The following RETREG1 variants were observed in gnomAD, a reference collection of about 807,000 sequenced individuals.
The protein encoded by RETREG1 is family with sequence similarity 134 member B.
A neutral mutation model predicts 54.8 loss-of-function variants in RETREG1; 44 were observed. The observed-to-expected ratio is 0.80, with a 90% CI of 0.63 to 1.03. The LOEUF is 1.03. Among genes scored for constraint, RETREG1 ranks in the 50% least tolerant of loss-of-function variants. The pLI is 0.00. For missense variants in RETREG1, 554 were observed against 605.1 expected, an observed-to-expected ratio of 0.92 and a Z score of 0.89; for synonymous variants, 217 against 238.5, an observed-to-expected ratio of 0.91 and a Z score of 0.83.
intron 3 of RETREG1, among the ~76,000 whole-genome samples, chr5:16,546,579 T>C (rs1741394043): frequency 2.6e-5 from 4 of 152,246 alleles, no homozygotes. Context: ...CACATGCTTA[T>C]AACAGGTGGT....
Position 16,598,160 on chromosome 5 carries a change from G to A in RETREG1, c.320+18492C>T, listed in dbSNP as rs150093336. Among the ~76,000 whole-genome samples the A allele has an allele frequency of 2.5e-4, 38 of 152,194 alleles. No homozygotes were observed. In the East Asian group the frequency reaches 6.2e-3, roughly 25 times the overall value. On this transcript the variant is annotated intron_variant, in intron 1 of 8. Transcript: ENST00000306320. The stretch of plus-strand genomic sequence containing the variant: ...TCACACATGCTGCTCCCTTGGGCTT[G>A]GAACAAATCCTTCCCCTGCACACCC...
intron 3 of RETREG1, among the ~76,000 whole-genome samples, chr5:16,528,706 C>T (rs1290624482): frequency 6.6e-6 from 1 of 152,170 alleles, no homozygotes; most frequent in African/African-American, 2.4e-5. Flanking sequence ...ATGCCTCCTT[C>T]AAAGCACCTG....
At chr5:16,509,278 T>C (rs2126565100) in intron 3 of RETREG1, 1 of 152,788 alleles carries the variant, frequency 6.5e-6, no homozygotes. Flanking sequence ...CATTATGCAA[T>C]GGGGTTTTGA....
chr5:16,573,475 AG>A (rs1742238823), intron 1 of RETREG1, among the ~76,000 whole-genome samples: 1 of 152,214 alleles, frequency 6.6e-6, no homozygotes, highest in Non-Finnish European at 1.5e-5. Context: ...CAGAACTCAT[AG>A]AAAAATTAAT....
Position 16,613,890 on chromosome 5 carries a change from C to A in RETREG1, c.320+2762G>T, listed in dbSNP as rs77399152. Among the ~76,000 whole-genome samples, 1,201 of 151,948 alleles carry A rather than the reference C, an allele frequency of 7.9e-3. 25 individuals are homozygous for A. The highest frequency in any genetic ancestry group is 0.027 in the African/African-American group (1,127 of 41,390). ...AATGTCCTTGAAAATCATTTTAACC[C>A]CCAGAGCAACAAATAAAAGGGAAAA... is the stretch of plus-strand genomic sequence containing the variant. On this transcript the variant is annotated intron_variant, in intron 1 of 8. Transcript: ENST00000306320.
At chr5:16,609,359 TCTGTAA>T (rs1278602377) in intron 1 of RETREG1, among the ~76,000 whole-genome samples, 2 of 152,076 alleles carry the variant, frequency 1.3e-5, no homozygotes, top group African/African-American at 4.8e-5. Context: ...TTTACTGAAG[TCTGTAA>T]CTGTATATAA....
intron 1 of RETREG1, among the ~76,000 whole-genome samples, chr5:16,603,740 G>T (rs1470204931): frequency 2.0e-5 from 3 of 151,906 alleles, no homozygotes; most frequent in Non-Finnish European, 4.4e-5. Flanking sequence ...ATTCACCTGG[G>T]ATCGCATCCC....
At chr5:16,513,005 C>G (rs1740229287) in intron 3 of RETREG1, among the ~76,000 whole-genome samples, 1 of 151,992 alleles carries the variant, frequency 6.6e-6, no homozygotes, top group Non-Finnish European at 1.5e-5. Flanking sequence ...TGGTTGAGTT[C>G]TCTCTTGGAT....
intron 1 of RETREG1, among the ~76,000 whole-genome samples, chr5:16,606,442 A>C (rs1285419357): frequency 2.0e-5 from 3 of 152,268 alleles, no homozygotes; most frequent in African/African-American, 4.8e-5. Flanking sequence ...CCATACTTCA[A>C]ACTCAACCTG....
chr5:16,539,242 G>A (rs1243649614), intron 3 of RETREG1, among the ~76,000 whole-genome samples: 1 of 152,148 alleles, frequency 6.6e-6, no homozygotes, highest in Non-Finnish European at 1.5e-5. Context: ...CTGTTCAGAT[G>A]AGCCTGGAGG....
intron 2 of RETREG1, 150 bp downstream of exon 2, chr5:16,571,846 C>T (rs1742178575): frequency 1.6e-6 from 1 of 640,368 alleles, no homozygotes; most frequent in Admixed American, 2.6e-5. Flanking sequence ...ACAGCACCAC[C>T]TCAATAAATT....
chr5:16,483,289 C>T (rs1738883024), intron 4 of RETREG1, 57 bp downstream of exon 4: 1 of 1,592,122 alleles, frequency 6.3e-7, no homozygotes, highest in Non-Finnish European at 8.6e-7. Context: ...TAGGTTAGTT[C>T]ATTTGTTTCC....
At position 16,474,590 on chromosome 5, in the gene RETREG1, CAATT is replaced by C. The variant is rs1738437535; in HGVS notation, c.*147_*150del. On this transcript the variant is annotated 3_prime_UTR_variant, in exon 9 of 9. Coordinates refer to ENST00000306320, the MANE Select transcript of RETREG1 (RefSeq NM_001034850.3). ...CTATCAGTGTCAGCTGATATATATC[CAATT>C]AATTCACTGCAGGAGGGAAAATAAA... 2.3e-6 allele frequency: 2 copies of C among 864,836 alleles called. No individual in the cohort carries two copies. The highest frequency in any genetic ancestry group is 3.5e-6 in the Non-Finnish European group (2 of 571,744). 53.6% of individuals were successfully genotyped at this position (864,836 alleles called of 1,614,324 possible).
chr5:16,547,537 G>A (rs12187057), intron 3 of RETREG1, among the ~76,000 whole-genome samples: 45,969 of 151,998 alleles, frequency 0.3, 7,173 homozygotes, highest in East Asian at 0.4. Flanking sequence ...TTAATTTATG[G>A]CCCAAAAATA....
chr5:16,514,924 T>C (rs1008574501), intron 3 of RETREG1, among the ~76,000 whole-genome samples: 14 of 147,744 alleles, frequency 9.5e-5, no homozygotes, highest in African/African-American at 3.2e-4. Context: ...ATATATATTA[T>C]ATAAATATAT....
chr5:16,475,353 C>T, intron 8 of RETREG1, 119 bp from the exon 9 acceptor site: 1 of 1,088,748 alleles, frequency 9.2e-7, no homozygotes, highest in Admixed American at 2.0e-5. Context: ...ATTCATCTAG[C>T]CTCCTGGGTC....
rs761526666 is a variant in RETREG1, at chr5:16,616,692, G to C, written c.280C>G (p.Arg94Gly). Reference sequence around the variant, plus strand: ...GCAGCGACGAAGCCGAGCAGGCTCCGCAGCGGCCTCTTCCAGCTCAGCAGC... The same window carrying C: ...GCAGCGACGAAGCCGAGCAGGCTCCCCAGCGGCCTCTTCCAGCTCAGCAGC... ...DELLSWKRPL[R>G]SLLGFVAANL... Residue 94 changes from arginine to glycine, a missense_variant, in exon 1 of 9, where the codon CGG becomes GGG. By Grantham distance (125) the Arg-to-Gly change is moderately radical (BLOSUM62 -2). Transcript: ENST00000306320. 1.9e-5 allele frequency: 30 copies of C among 1,595,612 alleles called. No homozygotes were observed. Among genetic ancestry groups the C allele is most frequent in the Non-Finnish European group, 1.7e-6 (2 of 1,177,376 alleles).
At chr5:16,589,743 G>C (rs935937865) in intron 1 of RETREG1, among the ~76,000 whole-genome samples, 7 of 152,188 alleles carry the variant, frequency 4.6e-5, no homozygotes, top group Non-Finnish European at 8.8e-5. Context: ...ATGAGGAATT[G>C]CTGCAACTCC....
chr5:16,556,448 C>T (rs947876155), intron 3 of RETREG1, among the ~76,000 whole-genome samples: 1 of 151,990 alleles, frequency 6.6e-6, no homozygotes, highest in Non-Finnish European at 1.5e-5. Flanking sequence ...GCGTGAGCTA[C>T]CGAGCGAGGA....
Sources: allele counts gnomAD v4.1 joint callset (sites outside exome capture counted in the v4.1 genomes callset), GRCh38; gene constraint gnomAD v4.1.1; transcripts MANE v1.5; gene names NCBI Gene and HGNC (gene_info 2026-07-23, HGNC 2026-07-21).